LPXN: variants seen among roughly 807,000 people sequenced by gnomAD.
LPXN encodes leupaxin.
A neutral mutation model predicts 45.6 loss-of-function variants in LPXN; 28 were observed. The ratio of observed to expected loss-of-function variants is 0.61; its 90% CI spans 0.45 to 0.84. LPXN has a LOEUF of 0.84. Ranked by LOEUF, LPXN falls within the 40% of genes least tolerant of loss-of-function variation. LPXN has a pLI of 0.00. For synonymous variants in LPXN, 166 were observed against 169.9 expected (o/e 0.98, Z 0.18); for missense variants, 459 against 475.0 (o/e 0.97, Z 0.31).
intron 7 of LPXN, among the ~76,000 whole-genome samples, chr11:58,529,326 A>G (rs1853316280): frequency 6.6e-6 from 1 of 152,156 alleles, no homozygotes. Flanking sequence ...AAGTGAAAAA[A>G]TTGGCCGGGC....
chr11:58,575,879 C>T (rs1417196282), upstream of LPXN: 16 of 1,598,444 alleles, frequency 1.0e-5, no homozygotes, highest in Non-Finnish European at 1.2e-5. Flanking sequence ...ATAAGGCAGC[C>T]TCTATAAACC....
intron 7 of LPXN, among the ~76,000 whole-genome samples, chr11:58,543,594 A>C (rs1853793343): frequency 6.6e-6 from 1 of 152,176 alleles, no homozygotes; most frequent in Non-Finnish European, 1.5e-5. Flanking sequence ...AACAAATGCA[A>C]AAAGACAGCT....
chr11:58,532,397 C>G (rs999202011), intron 7 of LPXN, among the ~76,000 whole-genome samples: 7 of 152,270 alleles, frequency 4.6e-5, no homozygotes, highest in Admixed American at 4.6e-4. Context: ...GCGAAGCCAG[C>G]TGGGCTCCTG....
intron 2 of LPXN, among the ~76,000 whole-genome samples, chr11:58,568,113 A>C (rs1854577260): frequency 6.6e-6 from 1 of 152,210 alleles, no homozygotes; most frequent in Admixed American, 6.5e-5. Context: ...CAAAGTGGCC[A>C]GCAGGGGGAA....
At position 58,551,203 on chromosome 11, in the gene LPXN, C is replaced by T. The variant is rs761890101; in HGVS notation, c.348G>A (p.Lys116=). ...KVAVRADAGK[K]HLPDKQDHKA... is the part of the protein sequence containing the mutation. ...TGTGATCCTGCTTGTCTGGTAAGTG[C>T]TTCTTGCCAGCATCTGCTCTCACTG... Residue 116 remains lysine (K), a synonymous_variant, in exon 5 of 9, where the codon AAG becomes AAA. Coordinates refer to ENST00000395074, the MANE Select transcript of LPXN (RefSeq NM_004811.3). 2.5e-6 allele frequency: 4 copies of T among 1,610,322 alleles called. No homozygotes were observed. Among genetic ancestry groups the T allele is most frequent in the Non-Finnish European group, 1.7e-6 (2 of 1,178,462 alleles).
At chr11:58,547,243 T>G (rs538860493) in intron 7 of LPXN, among the ~76,000 whole-genome samples, 1 of 152,306 alleles carries the variant, frequency 6.6e-6, no homozygotes, top group South Asian at 2.1e-4. Context: ...AGGAAGAGAT[T>G]ATCTGGAACG....
chr11:58,575,893 T>C, upstream of LPXN: 1 of 1,583,836 alleles, frequency 6.3e-7, no homozygotes, highest in Non-Finnish European at 8.6e-7. Flanking sequence ...ATAAACCTTT[T>C]TGGTTCCTGT....
At chr11:58,540,936 G>C (rs955292155) in intron 7 of LPXN, among the ~76,000 whole-genome samples, 2 of 152,070 alleles carry the variant, frequency 1.3e-5, no homozygotes, top group African/African-American at 2.4e-5. Flanking sequence ...ACAAGCAATG[G>C]GGAAGGATTC....
chr11:58,565,592 A>G (rs977217672), intron 2 of LPXN, among the ~76,000 whole-genome samples: 24 of 152,140 alleles, frequency 1.6e-4, no homozygotes, highest in Admixed American at 1.0e-3. Context: ...TGGTGGACCT[A>G]TAAGATAATT....
chr11:58,570,425 A>C (rs2134352791), intron 2 of LPXN, 131 bp downstream of exon 2: 2 of 596,860 alleles, frequency 3.4e-6, no homozygotes, highest in East Asian at 5.6e-5. Flanking sequence ...TTAGATTAAC[A>C]TTGAGGCATT....
Position 58,551,156 on chromosome 11 carries a change from A to G in LPXN, c.395T>C (p.Leu132Pro). 1 of 1,612,052 alleles carries G rather than the reference A, an allele frequency of 6.2e-7. No individual in the cohort carries two copies. The highest frequency in any genetic ancestry group is 1.7e-4 in the Middle Eastern group (1 of 6,054). Residue 132 changes from leucine to proline, a missense_variant, in exon 5 of 9, where the codon CTT becomes CCT. Physicochemically the swap from Leu to Pro is moderately conservative, Grantham distance 98. Coordinates refer to ENST00000395074, the MANE Select transcript of LPXN (RefSeq NM_004811.3). ...QDHKASLDSMLGGLEQELQDL... is the reference protein window; with the variant it reads ...QDHKASLDSMPGGLEQELQDL... ...CTGCAATTCCTGCTCCAGACCCCCA[A>G]GCATTGAGTCCAGGGAGGCCTTGTG...
At chr11:58,569,548 C>A (rs1854621452) in intron 2 of LPXN, among the ~76,000 whole-genome samples, 1 of 151,996 alleles carries the variant, frequency 6.6e-6, no homozygotes, top group African/African-American at 2.4e-5. Context: ...ACCACCACAC[C>A]CTGCTCATTT....
intron 7 of LPXN, among the ~76,000 whole-genome samples, chr11:58,539,964 A>C (rs2120248299): frequency 6.6e-6 from 1 of 152,272 alleles, no homozygotes; most frequent in East Asian, 1.9e-4. Flanking sequence ...ACACTGCTTA[A>C]ATTTAGTGGT....
chr11:58,531,432 T>C (rs1228081849), intron 7 of LPXN, among the ~76,000 whole-genome samples: 2 of 151,644 alleles, frequency 1.3e-5, no homozygotes, highest in South Asian at 2.1e-4. Flanking sequence ...AATAGCTGAA[T>C]TGATCAAGCA....
intron 2 of LPXN, among the ~76,000 whole-genome samples, chr11:58,566,790 A>C (rs1382496642): frequency 1.3e-5 from 2 of 152,208 alleles, no homozygotes; most frequent in Non-Finnish European, 2.9e-5. Context: ...TCGATTAAAA[A>C]TTTCCAACTG....
At position 58,557,319 on chromosome 11, in the gene LPXN, A is replaced by ACAC. The variant is rs149435906; in HGVS notation, c.219-2382_219-2380dup. ...AACTTAAGTGTCCATCAATGGATGGACACCAATGGAATAAAGAAATTGTGA... is the reference window on the plus strand; with the variant it reads ...AACTTAAGTGTCCATCAATGGATGGACACCACCAATGGAATAAAGAAATTGTGA... On this transcript the variant is annotated intron_variant, in intron 3 of 8. Transcript: ENST00000395074. Among the ~76,000 whole-genome samples the ACAC allele has an allele frequency of 8.5e-3, 1,294 of 152,324 alleles. 17 individuals are homozygous for ACAC. Among genetic ancestry groups the ACAC allele is most frequent in the African/African-American group, 0.03 (1,245 of 41,578 alleles).
chr11:58,563,080 G>C (rs1162500459), intron 3 of LPXN, among the ~76,000 whole-genome samples: 3 of 152,134 alleles, frequency 2.0e-5, no homozygotes, highest in African/African-American at 4.8e-5. Flanking sequence ...CTGTTGGTTG[G>C]GCTAGTTTTC....
At chr11:58,570,408 A>G in intron 2 of LPXN, 148 bp downstream of exon 2, 2 of 503,650 alleles carry the variant, frequency 4.0e-6, no homozygotes, top group Non-Finnish European at 3.3e-6. Context: ...TCTTTCCAAA[A>G]ACATCTTTAG....
intron 7 of LPXN, among the ~76,000 whole-genome samples, chr11:58,534,927 G>A (rs1590755317): frequency 6.6e-6 from 1 of 152,276 alleles, no homozygotes; most frequent in East Asian, 1.9e-4. Context: ...TAGAAGAAAT[G>A]GATAAATTCC....
Sources: allele counts gnomAD v4.1 joint callset (sites outside exome capture counted in the v4.1 genomes callset), GRCh38; gene constraint gnomAD v4.1.1; transcripts MANE v1.5; gene names NCBI Gene and HGNC (gene_info 2026-07-23, HGNC 2026-07-21).